TMPRSS11D: variants seen among roughly 807,000 people sequenced by gnomAD.
The protein encoded by TMPRSS11D is transmembrane serine protease 11D.
TMPRSS11D carries 32 observed loss-of-function variants against 44.4 expected under a neutral mutation model. The observed-to-expected ratio is 0.72, with a 90% CI of 0.54 to 0.97. The LOEUF (loss-of-function observed/expected upper bound fraction) is 0.97, where lower values mean the gene tolerates loss of function less well. TMPRSS11D is among the 50% of genes least tolerant of loss of function. The pLI is 0.00. For synonymous variants in TMPRSS11D, 179 were observed against 177.9 expected (o/e 1.01, Z -0.05); for missense variants, 446 against 502.6 (o/e 0.89, Z 1.08).
chr4:67,830,524 A>G (rs1717921008), intron 7 of TMPRSS11D, among the ~76,000 whole-genome samples: 1 of 152,026 alleles, frequency 6.6e-6, no homozygotes, highest in Non-Finnish European at 1.5e-5. Context: ...CTATGACCGG[A>G]AATACTTTTA....
intron 7 of TMPRSS11D, among the ~76,000 whole-genome samples, chr4:67,832,080 G>A (rs1194606861): frequency 1.3e-5 from 2 of 152,218 alleles, no homozygotes; most frequent in African/African-American, 4.8e-5. Context: ...TCAAGGATAA[G>A]CAGATTGATC....
intron 3 of TMPRSS11D, among the ~76,000 whole-genome samples, chr4:67,853,502 G>A (rs186735422): frequency 6.6e-6 from 1 of 152,260 alleles, no homozygotes; most frequent in African/African-American, 2.4e-5. Context: ...AAACTAAAGG[G>A]CAGCCCCTAG....
At chr4:67,851,436 A>C (rs2109681432) in intron 3 of TMPRSS11D, among the ~76,000 whole-genome samples, 1 of 152,314 alleles carries the variant, frequency 6.6e-6, no homozygotes, top group East Asian at 1.9e-4. Flanking sequence ...CAGATGCTAG[A>C]ACAAAAATTA....
chr4:67,864,445 T>C (rs1396978567), intron 1 of TMPRSS11D, among the ~76,000 whole-genome samples: 1 of 151,802 alleles, frequency 6.6e-6, no homozygotes, highest in Non-Finnish European at 1.5e-5. Context: ...ATCATAAAAA[T>C]ACATGAAAGT....
chr4:67,822,307 A>G lies in TMPRSS11D; in HGVS notation c.*30T>C, dbSNP rs762099432. 1.2e-6 allele frequency: 2 copies of G among 1,610,128 alleles called. No individual in the cohort carries two copies. The highest frequency in any genetic ancestry group is 1.1e-5 in the South Asian group (1 of 90,844). ...ATTTAAGACAGGCACACCTGCATACAGACTTTGCAACAGGGATGCACTTGT... is the reference window on the plus strand; with the variant it reads ...ATTTAAGACAGGCACACCTGCATACGGACTTTGCAACAGGGATGCACTTGT... On this transcript the variant is annotated 3_prime_UTR_variant, in exon 10 of 10. Coordinates refer to ENST00000283916, the MANE Select transcript of TMPRSS11D (RefSeq NM_004262.3).
chr4:67,853,980 A>AG lies in TMPRSS11D; in HGVS notation c.249+87dup. 3.9e-6 allele frequency: 3 copies of AG among 768,438 alleles called. No homozygotes were observed. In the South Asian group the frequency reaches 6.5e-5, roughly 17 times the overall value. The allele number at this position is 768,438 out of a possible 1,614,324, so 47.6% of individuals were successfully genotyped here. ...AGGAAGGAAAATATGTAGAGCACTT[A>AG]GCAACTGAAAATATATTACAAAACA... On this transcript the variant is annotated intron_variant, in intron 3 of 9. Coordinates refer to ENST00000283916, the MANE Select transcript of TMPRSS11D (RefSeq NM_004262.3).
intron 1 of TMPRSS11D, among the ~76,000 whole-genome samples, chr4:67,865,736 C>T (rs2109694939): frequency 6.6e-6 from 1 of 151,946 alleles, no homozygotes. Context: ...CAATAAATTC[C>T]TGGAAACATG....
chr4:67,824,459 G>A (rs1057207812), intron 9 of TMPRSS11D, among the ~76,000 whole-genome samples: 1 of 152,024 alleles, frequency 6.6e-6, no homozygotes, highest in African/African-American at 2.4e-5. Context: ...TGAAACTTGA[G>A]AATTTGTTGT....
At chr4:67,829,440 G>C (rs1325864514) in intron 7 of TMPRSS11D, among the ~76,000 whole-genome samples, 1 of 69,818 alleles carries the variant, frequency 1.4e-5, no homozygotes, top group African/African-American at 4.1e-5. Context: ...AGAGAGAACA[G>C]TAGCGTTAAA....
At position 67,881,625 on chromosome 4, in the gene TMPRSS11D, C is replaced by A. The variant is rs140681038; in HGVS notation, c.8+2301G>T. Among the ~76,000 whole-genome samples, 1,514 of 152,222 alleles carry A rather than the reference C, an allele frequency of 9.9e-3. 25 individuals carry two copies. Among genetic ancestry groups the A allele is most frequent in the African/African-American group, 0.034 (1,425 of 41,522 alleles). ...GTTTTTCTGAGTTCCTATAGCAGTT[C>A]AAAAACCAGGATTGAAACAACAGGC... On this transcript the variant is annotated intron_variant, in intron 1 of 9. Transcript: ENST00000283916.
intron 1 of TMPRSS11D, among the ~76,000 whole-genome samples, chr4:67,876,906 T>C (rs1378181363): frequency 6.6e-6 from 1 of 152,218 alleles, no homozygotes; most frequent in Non-Finnish European, 1.5e-5. Context: ...CATAGCCCCC[T>C]TAGCAGCATT....
chr4:67,849,537 C>G (rs1039579857), intron 3 of TMPRSS11D, among the ~76,000 whole-genome samples: 1 of 151,780 alleles, frequency 6.6e-6, no homozygotes. Context: ...GAAGTAATGA[C>G]CAGTGAGGCA....
At chr4:67,829,409 TATATACATAGGGGGAG>T (rs1460749938) in intron 7 of TMPRSS11D, among the ~76,000 whole-genome samples, 6 of 150,458 alleles carry the variant, frequency 4.0e-5, no homozygotes, top group African/African-American at 1.5e-4. Context: ...TATGTGCACC[TATATACATAGGGGGAG>T]ACAGAGAGAG....
intron 1 of TMPRSS11D, among the ~76,000 whole-genome samples, chr4:67,883,080 C>A (rs894018): frequency 0.49 from 74,764 of 151,646 alleles, 19,369 homozygotes; most frequent in East Asian, 0.7. Flanking sequence ...AATGGTTTGA[C>A]TTTTGATTGA....
chr4:67,838,546 T>C (rs113799926), intron 4 of TMPRSS11D, among the ~76,000 whole-genome samples: 112 of 152,238 alleles, frequency 7.4e-4, no homozygotes, highest in African/African-American at 2.5e-3. Context: ...CACTGTAGGA[T>C]AGCTGATTTT....
chr4:67,869,396 A>G (rs919673560), intron 1 of TMPRSS11D, among the ~76,000 whole-genome samples: 2 of 152,170 alleles, frequency 1.3e-5, no homozygotes, highest in African/African-American at 4.8e-5. Flanking sequence ...ATAAGAAGAA[A>G]CAACTGGCAA....
At chr4:67,860,009 A>T (rs957755413) in intron 1 of TMPRSS11D, among the ~76,000 whole-genome samples, 3 of 152,156 alleles carry the variant, frequency 2.0e-5, no homozygotes, top group African/African-American at 7.2e-5. Flanking sequence ...TTCTACTGCA[A>T]TGTCTTCCAA....
rs111684035 is a variant in TMPRSS11D, at chr4:67,842,288, G to C, written c.317+270C>G. Among the ~76,000 whole-genome samples, 303 of 152,176 alleles carry C rather than the reference G, an allele frequency of 2.0e-3. 1 individual carries two copies. Among genetic ancestry groups the C allele is most frequent in the African/African-American group, 6.7e-3 (279 of 41,500 alleles). ...TCCACTGGAGTTTTACAATAGGATG[G>C]CCTTGTTACTGTACCTTCACCCCAA... On this transcript the variant is annotated intron_variant, in intron 4 of 9. Coordinates refer to ENST00000283916, the MANE Select transcript of TMPRSS11D (RefSeq NM_004262.3).
chr4:67,841,727 T>G (rs186203620), intron 4 of TMPRSS11D, among the ~76,000 whole-genome samples: 2 of 152,246 alleles, frequency 1.3e-5, no homozygotes, highest in East Asian at 3.9e-4. Flanking sequence ...GACCGAAAGG[T>G]GTTTTGGAAA....
Sources: allele counts gnomAD v4.1 joint callset (sites outside exome capture counted in the v4.1 genomes callset), GRCh38; gene constraint gnomAD v4.1.1; transcripts MANE v1.5; gene names NCBI Gene and HGNC (gene_info 2026-07-23, HGNC 2026-07-21).